Variants in CNTN3 observed in about 807,000 individuals in gnomAD.
CNTN3 encodes contactin-3.
Under a neutral mutation model 119.1 loss-of-function variants are expected in CNTN3, and 60 were observed. That is an observed-to-expected ratio of 0.50 (90% CI 0.41 to 0.62). The LOEUF is 0.62. Ranked by LOEUF, CNTN3 falls within the 20% of genes least tolerant of loss-of-function variation. The pLI is 0.00. For synonymous variants in CNTN3, 450 were observed against 438.7 expected (o/e 1.03, Z -0.32); for missense variants, 1,101 against 1,242.4 (o/e 0.89, Z 1.71).
chr3:74,299,942 T>A lies in CNTN3; in HGVS notation c.2096-4A>T. ...TCAGAAGGAGGCACTTCTGGAACTA[T>A]ACAGGTCAGAGAAACAGAGATGAAA... On this transcript the variant is annotated splice_polypyrimidine_tract_variant and splice_region_variant and intron_variant, in intron 16 of 22. Coordinates refer to ENST00000263665, the MANE Select transcript of CNTN3 (RefSeq NM_020872.3). 6.3e-7 allele frequency: 1 copy of A among 1,589,610 alleles called. No individual in the cohort carries two copies. Among genetic ancestry groups the A allele is most frequent in the Admixed American group, 1.8e-5 (1 of 57,122 alleles).
intron 5 of CNTN3, among the ~76,000 whole-genome samples, chr3:74,398,328 A>T (rs1018625314): frequency 8.5e-5 from 13 of 152,242 alleles, no homozygotes; most frequent in African/African-American, 3.1e-4. Context: ...ATCAGTCAGC[A>T]GCCATTAACA....
intron 1 of CNTN3, among the ~76,000 whole-genome samples, chr3:74,538,443 C>T (rs1189657936): frequency 6.6e-6 from 1 of 151,986 alleles, no homozygotes; most frequent in Non-Finnish European, 1.5e-5. Flanking sequence ...CCTCCTGAGC[C>T]CAATTATTTG....
At chr3:74,448,200 G>A (rs1702083664) in intron 4 of CNTN3, among the ~76,000 whole-genome samples, 1 of 152,250 alleles carries the variant, frequency 6.6e-6, no homozygotes, top group Admixed American at 6.5e-5. Context: ...TCTTTTTGGT[G>A]TTTACATCCA....
chr3:74,311,178 T>C (rs1178304606), intron 13 of CNTN3, among the ~76,000 whole-genome samples: 1 of 152,208 alleles, frequency 6.6e-6, no homozygotes, highest in Non-Finnish European at 1.5e-5. Flanking sequence ...AATAAATTTA[T>C]ACCTCTCCCA....
chr3:74,504,433 T>C (rs1703216838), intron 2 of CNTN3, among the ~76,000 whole-genome samples: 2 of 152,192 alleles, frequency 1.3e-5, no homozygotes, highest in South Asian at 4.1e-4. Flanking sequence ...GGTCCCACTA[T>C]TCTTTAGGAA....
chr3:74,313,750 G>C (rs909895371), intron 13 of CNTN3, among the ~76,000 whole-genome samples: 4 of 152,146 alleles, frequency 2.6e-5, no homozygotes, highest in Admixed American at 1.3e-4. Flanking sequence ...AGCTGGCCTT[G>C]TATGTACATG....
At chr3:74,428,928 A>G (rs1220971474) in intron 4 of CNTN3, among the ~76,000 whole-genome samples, 1 of 152,182 alleles carries the variant, frequency 6.6e-6, no homozygotes, top group South Asian at 2.1e-4. Context: ...AATTGCCTAC[A>G]GTATTAAGTA....
In CNTN3 at chr3:74,365,709, T is replaced by C. The variant is rs182676092; in HGVS notation, c.947-7A>G. Reference sequence around the variant, plus strand: ...TGAACCCAATGGGGCTTTGCTTCAATGAAAGAAAAGGAAAAAGAAAAGAAA... The same window carrying C: ...TGAACCCAATGGGGCTTTGCTTCAACGAAAGAAAAGGAAAAAGAAAAGAAA... On this transcript the variant is annotated splice_region_variant and splice_polypyrimidine_tract_variant and intron_variant, in intron 8 of 22. Transcript: ENST00000263665. The C allele has an allele frequency of 4.2e-3, 6,761 of 1,593,388 alleles. 12 individuals are homozygous for C. Among genetic ancestry groups the C allele is most frequent in the Non-Finnish European group, 5.2e-3 (6,101 of 1,170,238 alleles).
At position 74,301,762 on chromosome 3, in the gene CNTN3, TG is replaced by T; in HGVS notation, c.1829del (p.Thr610LysfsTer53). On this transcript the variant is annotated frameshift_variant, in exon 15 of 23. Transcript: ENST00000263665. LOFTEE classifies it high-confidence loss of function. ...TCCAAGAGAGTTGGGCTGTTGTGTC[TG>T]TAATTTCATCTACCTTCACATTTTC... ...PPENVKVDEI[T>X]DTTAQLSWKE... The T allele has an allele frequency of 6.2e-7, 1 of 1,614,120 alleles. No individual in the cohort carries two copies. The highest frequency in any genetic ancestry group is 8.5e-7 in the Non-Finnish European group (1 of 1,179,964).
intron 20 of CNTN3, among the ~76,000 whole-genome samples, chr3:74,272,680 A>G (rs1278833335): frequency 1.3e-5 from 2 of 152,206 alleles, no homozygotes; most frequent in African/African-American, 2.4e-5. Flanking sequence ...AGTCACCTGC[A>G]GAAAAATTCC....
At chr3:74,312,986 G>T (rs1041925975) in intron 13 of CNTN3, among the ~76,000 whole-genome samples, 1 of 147,792 alleles carries the variant, frequency 6.8e-6, no homozygotes, top group African/African-American at 2.5e-5. Flanking sequence ...GACATTCTAA[G>T]AACCAAAAAC....
intron 1 of CNTN3, among the ~76,000 whole-genome samples, chr3:74,529,347 T>C (rs1330165589): frequency 1.3e-5 from 2 of 151,952 alleles, no homozygotes; most frequent in African/African-American, 4.8e-5. Flanking sequence ...GTTTGCATAG[T>C]CACTACCTCA....
chr3:74,388,381 T>A (rs781272798), intron 5 of CNTN3, among the ~76,000 whole-genome samples: 5 of 152,254 alleles, frequency 3.3e-5, no homozygotes, highest in Non-Finnish European at 7.4e-5. Flanking sequence ...GGCTTTCGAA[T>A]CACTGATTTT....
rs1483255520 is a variant in CNTN3 at position 74,472,548 on chromosome 3, G to T, written c.358+13908C>A. Among the ~76,000 whole-genome samples the T allele has an allele frequency of 2.0e-5, 3 of 152,080 alleles. No homozygotes were observed. The East Asian group carries it at 5.8e-4, about 29-fold the overall frequency. On this transcript the variant is annotated intron_variant, in intron 4 of 22. Coordinates refer to ENST00000263665, the MANE Select transcript of CNTN3 (RefSeq NM_020872.3). ...GATTCAAAAGGCAAATAACAAATAT[G>T]TTTCATTTATATGGAAAGACATAAA...
chr3:74,431,729 T>G (rs1375961814), intron 4 of CNTN3, among the ~76,000 whole-genome samples: 1 of 152,190 alleles, frequency 6.6e-6, no homozygotes, highest in Non-Finnish European at 1.5e-5. Context: ...CCATTTTCCC[T>G]CTAAAAGAAC....
intron 2 of CNTN3, among the ~76,000 whole-genome samples, chr3:74,512,331 T>C (rs1343768057): frequency 1.3e-5 from 2 of 152,084 alleles, no homozygotes; most frequent in African/African-American, 2.4e-5. Flanking sequence ...TGTTCAGTTA[T>C]CTGGTTTGAG....
At chr3:74,358,138 A>C (rs1449120346) in intron 11 of CNTN3, among the ~76,000 whole-genome samples, 1 of 152,208 alleles carries the variant, frequency 6.6e-6, no homozygotes, top group African/African-American at 2.4e-5. Flanking sequence ...CTGGCTCGTC[A>C]GTGTTTTTTG....
chr3:74,595,045 C>T (rs1704778149), intron 1 of CNTN3, among the ~76,000 whole-genome samples: 1 of 151,976 alleles, frequency 6.6e-6, no homozygotes, highest in African/African-American at 2.4e-5. Flanking sequence ...CTCTGATGGC[C>T]AGTGATGATG....
intron 13 of CNTN3, among the ~76,000 whole-genome samples, chr3:74,317,173 T>G (rs1702851771): frequency 7.3e-6 from 1 of 137,632 alleles, no homozygotes; most frequent in South Asian, 2.7e-4. Flanking sequence ...GCCTTTTTTT[T>G]GTTTTCCATT....
Sources: allele counts gnomAD v4.1 joint callset (sites outside exome capture counted in the v4.1 genomes callset), GRCh38; gene constraint gnomAD v4.1.1; transcripts MANE v1.5; gene names NCBI Gene and HGNC (gene_info 2026-07-23, HGNC 2026-07-21).